ST18: variants seen among roughly 807,000 people sequenced by gnomAD.
ST18 encodes the protein ST18 C2H2C-type zinc finger transcription factor.
ST18 carries 50 observed loss-of-function variants against 110.0 expected under a neutral mutation model. The ratio of observed to expected loss-of-function variants is 0.45; its 90% CI spans 0.36 to 0.58. ST18 has a LOEUF of 0.58. Among genes scored for constraint, ST18 ranks in the 20% least tolerant of loss-of-function variants. The pLI is 0.00. For synonymous variants in ST18, 461 were observed against 452.4 expected (o/e 1.02, Z -0.24); for missense variants, 1,306 against 1,280.1 (o/e 1.02, Z -0.31).
intron 2 of ST18, among the ~76,000 whole-genome samples, chr8:52,379,227 A>G (rs1433055765): frequency 2.0e-5 from 3 of 151,478 alleles, no homozygotes; most frequent in Non-Finnish European, 2.9e-5. Flanking sequence ...CCCCCCGAGT[A>G]GCTGGGATTA....
intron 17 of ST18, 163 bp from the exon 18 acceptor site, chr8:52,137,646 C>G (rs1332862021): frequency 1.7e-6 from 1 of 583,670 alleles, no homozygotes; most frequent in East Asian, 2.9e-5. Flanking sequence ...ATATAAGAAC[C>G]AGTGGACTAC....
chr8:52,123,438 G>T (rs768569033), intron 23 of ST18, among the ~76,000 whole-genome samples: 12 of 152,150 alleles, frequency 7.9e-5, no homozygotes, highest in Non-Finnish European at 1.5e-4. Flanking sequence ...TAAGGTAAGG[G>T]ATCATGAAAC....
At chr8:52,245,406 TC>T (rs1400400360) in intron 2 of ST18, among the ~76,000 whole-genome samples, 1 of 152,158 alleles carries the variant, frequency 6.6e-6, no homozygotes, top group Non-Finnish European at 1.5e-5. Flanking sequence ...ATGAATTCAC[TC>T]ATATTGAAAT....
At position 52,171,942 on chromosome 8, in the gene ST18, C is replaced by G. The variant is rs1241676601; in HGVS notation, c.919G>C (p.Glu307Gln). ...TCAGCCTGCAGAGCAATTGCCTGCT[C>G]CAGCAAACTTAAATTCCCCTTGGCC... The part of the protein sequence containing the change: ...EKAKGNLSLL[E>Q]QAIALQAERG... The change falls in exon 10 of 26, where the codon GAG becomes CAG. Residue 307 changes from glutamate (E) to glutamine (Q), a missense_variant. Coordinates refer to ENST00000689386, the MANE Select transcript of ST18 (RefSeq NM_001352837.2). 3 of 1,614,026 alleles carry G rather than the reference C, an allele frequency of 1.9e-6. No individual in the cohort carries two copies. The Admixed American group carries it at 5.0e-5, about 27-fold the overall frequency.
At chr8:52,316,976 A>G (rs918904637) in intron 2 of ST18, among the ~76,000 whole-genome samples, 7 of 152,210 alleles carry the variant, frequency 4.6e-5, no homozygotes, top group African/African-American at 1.7e-4. Context: ...ATCTCTACCC[A>G]ATTCACAAAC....
intron 2 of ST18, among the ~76,000 whole-genome samples, chr8:52,401,369 C>T (rs1006839908): frequency 6.6e-5 from 10 of 152,052 alleles, no homozygotes; most frequent in Admixed American, 6.6e-5. Context: ...CCATTTTCTC[C>T]CAAGACTTGA....
chr8:52,351,659 TG>T (rs1820386483), intron 2 of ST18, among the ~76,000 whole-genome samples: 1 of 152,184 alleles, frequency 6.6e-6, no homozygotes, highest in Non-Finnish European at 1.5e-5. Flanking sequence ...CCAGCTCAAG[TG>T]GGAGAGAGAA....
At chr8:52,147,879 G>A (rs985952116) in intron 16 of ST18, among the ~76,000 whole-genome samples, 3 of 152,156 alleles carry the variant, frequency 2.0e-5, no homozygotes, top group East Asian at 1.9e-4. Context: ...AAGCTAACTC[G>A]TATGTAGTAG....
intron 8 of ST18, chr8:52,199,546 A>T (rs1326456798): frequency 6.6e-6 from 1 of 152,190 alleles, no homozygotes; most frequent in African/African-American, 2.4e-5. Context: ...ACAGAACATC[A>T]AACCTTTATT....
chr8:52,207,558 A>G (rs2080536771), intron 8 of ST18, among the ~76,000 whole-genome samples: 1 of 152,346 alleles, frequency 6.6e-6, no homozygotes, highest in South Asian at 2.1e-4. Context: ...AAAATATTTA[A>G]CATTTTAAAA....
At chr8:52,166,103 T>A (rs2062892990) in intron 11 of ST18, among the ~76,000 whole-genome samples, 1 of 152,196 alleles carries the variant, frequency 6.6e-6, no homozygotes, top group Admixed American at 6.5e-5. Context: ...TGCTCTGTGA[T>A]GCGTCAAGGC....
chr8:52,401,862 A>G (rs181712584), intron 2 of ST18, among the ~76,000 whole-genome samples: 71 of 151,904 alleles, frequency 4.7e-4, no homozygotes, highest in Non-Finnish European at 8.7e-4. Context: ...TTGCTTTTTC[A>G]TATTTCTTAT....
intron 2 of ST18, among the ~76,000 whole-genome samples, chr8:52,374,913 C>T (rs760611077): frequency 2.0e-5 from 3 of 152,174 alleles, no homozygotes; most frequent in Non-Finnish European, 4.4e-5. Flanking sequence ...TGTACCACAT[C>T]TGTGGTACTT....
intron 2 of ST18, among the ~76,000 whole-genome samples, chr8:52,401,426 C>T (rs1274328982): frequency 2.6e-5 from 4 of 152,090 alleles, no homozygotes; most frequent in Non-Finnish European, 5.9e-5. Flanking sequence ...CATGCCTTTC[C>T]CCTTCTTCTC....
At chr8:52,363,712 A>C (rs1467760837) in intron 2 of ST18, among the ~76,000 whole-genome samples, 3 of 151,956 alleles carry the variant, frequency 2.0e-5, no homozygotes, top group African/African-American at 7.3e-5. Flanking sequence ...TTTTGTTTTA[A>C]CTCAATAATG....
At chr8:52,320,459 C>A (rs866685513) in intron 2 of ST18, among the ~76,000 whole-genome samples, 7 of 152,080 alleles carry the variant, frequency 4.6e-5, no homozygotes, top group Non-Finnish European at 7.4e-5. Flanking sequence ...CCATGTAAAA[C>A]ATGTAATTCA....
At chr8:52,150,071 T>C (rs2058422579) in intron 15 of ST18, 94 bp from the exon 16 acceptor site, 4 of 1,464,814 alleles carry the variant, frequency 2.7e-6, no homozygotes, top group Non-Finnish European at 2.7e-6. Flanking sequence ...AAATGTAAGC[T>C]TTTATGTAAG....
intron 2 of ST18, among the ~76,000 whole-genome samples, chr8:52,351,719 G>A (rs2140322340): frequency 6.6e-6 from 1 of 152,326 alleles, no homozygotes; most frequent in South Asian, 2.1e-4. Flanking sequence ...TATATTGTGA[G>A]TGAAGACTTG....
rs115076579 is a variant in ST18, at chr8:52,325,000, A to G, written c.-465+84328T>C. 5.9e-3 allele frequency among the ~76,000 whole-genome samples: 903 copies of G among 152,366 alleles called. 5 individuals are homozygous for G. Among genetic ancestry groups the G allele is most frequent in the African/African-American group, 0.021 (855 of 41,590 alleles). On this transcript the variant is annotated intron_variant, in intron 2 of 25. Coordinates refer to ENST00000689386, the MANE Select transcript of ST18 (RefSeq NM_001352837.2). ...GAAAAATGTTTTAGTACTAGTCTATAAGGATGGAGGAATTAATTTTTCAGC... is the reference window on the plus strand; with the variant it reads ...GAAAAATGTTTTAGTACTAGTCTATGAGGATGGAGGAATTAATTTTTCAGC...
Sources: allele counts gnomAD v4.1 joint callset (sites outside exome capture counted in the v4.1 genomes callset), GRCh38; gene constraint gnomAD v4.1.1; transcripts MANE v1.5; gene names NCBI Gene and HGNC (gene_info 2026-07-23, HGNC 2026-07-21).